Variants in RYR1 observed in about 807,000 individuals in gnomAD.
RYR1 encodes the protein central core disease of muscle.
In RYR1, 342 loss-of-function variants were observed where a neutral mutation model predicts 583.5. That is an observed-to-expected ratio of 0.59 (90% CI 0.54 to 0.64). RYR1 has a LOEUF of 0.64. Among genes scored for constraint, RYR1 ranks in the 30% least tolerant of loss-of-function variants. The pLI is 0.00. For synonymous variants in RYR1, 2,791 were observed against 2,822.5 expected, an observed-to-expected ratio of 0.99 and a Z score of 0.35; for missense variants, 6,032 against 6,917.2, an observed-to-expected ratio of 0.87 and a Z score of 4.54.
In RYR1 at chr19:38,434,367, G is replaced by A. The variant is rs139048961; in HGVS notation, c.45+493G>A. 4.2e-3 allele frequency among the ~76,000 whole-genome samples: 642 copies of A among 152,210 alleles called. 4 individuals carry two copies. Among genetic ancestry groups the A allele is most frequent in the Middle Eastern group, 0.02 (6 of 294 alleles). On this transcript the variant is annotated intron_variant, in intron 1 of 105. Coordinates refer to ENST00000359596, the MANE Select transcript of RYR1 (RefSeq NM_000540.3). The stretch of plus-strand genomic sequence containing the variant: ...GCCCTTGAGGGTCTTGTGGGGGAGG[G>A]ATCTCTTGGGTTCTGGGTCTTTCTT...
intron 9 of RYR1, among the ~76,000 whole-genome samples, chr19:38,447,564 G>A (rs548019234): frequency 1.7e-3 from 244 of 140,580 alleles, no homozygotes; most frequent in African/African-American, 6.2e-3. Flanking sequence ...AACAAAGGCC[G>A]GGGGCGGTGG....
chr19:38,505,233 C>A, intron 52 of RYR1, 76 bp from the exon 53 acceptor site: 1 of 1,203,404 alleles, frequency 8.3e-7, no homozygotes, highest in Non-Finnish European at 1.2e-6. Flanking sequence ...GATTCTCTGT[C>A]CTCGGCTCCT....
chr19:38,524,445 AC>A (rs1016789628), intron 70 of RYR1, among the ~76,000 whole-genome samples: 7 of 152,084 alleles, frequency 4.6e-5, no homozygotes, highest in Non-Finnish European at 1.0e-4. Context: ...AGCAGCCCCC[AC>A]CCCAGGGCTC....
intron 71 of RYR1, among the ~76,000 whole-genome samples, chr19:38,526,757 C>T (rs1971482823): frequency 6.6e-6 from 1 of 152,154 alleles, no homozygotes; most frequent in Admixed American, 6.5e-5. Flanking sequence ...CCCAGACCTC[C>T]ACGAGGCCCC....
rs550477486 is a variant in RYR1 at position 38,445,004 on chromosome 19, C to T, written c.631+327C>T. 3.3e-5 allele frequency among the ~76,000 whole-genome samples: 5 copies of T among 152,172 alleles called. No homozygotes were observed. The South Asian group carries it at 1.0e-3, about 32-fold the overall frequency. On this transcript the variant is annotated intron_variant, in intron 7 of 105. Transcript: ENST00000359596. ...GGGCATGGTGGCTCACGCCTGTAAT[C>T]TCAGCACTTTGGGAGGCCGAGGCAG...
rs1281129390 is a variant in RYR1, at chr19:38,453,116, G to A, written c.1440+102G>A. The stretch of plus-strand genomic sequence containing the variant: ...GGGCGGGGCAGGGCCTGAGGGACCT[G>A]GGGAAGTAGGGTCTGAGAAGGGGGC... On this transcript the variant is annotated intron_variant, in intron 13 of 105. Coordinates refer to ENST00000359596, the MANE Select transcript of RYR1 (RefSeq NM_000540.3). The A allele has an allele frequency of 4.0e-6, 5 of 1,245,094 alleles. No individual in the cohort carries two copies. The African/African-American group carries it at 7.4e-5, about 19-fold the overall frequency. 77.1% of individuals were successfully genotyped at this position (1,245,094 alleles called of 1,614,324 possible). A position where few individuals can be genotyped will look rare whatever the true frequency, so the allele number is the denominator to read the frequency against.
chr19:38,502,225 G>A (rs1970154732), intron 47 of RYR1, among the ~76,000 whole-genome samples: 1 of 152,118 alleles, frequency 6.6e-6, no homozygotes, highest in Non-Finnish European at 1.5e-5. Context: ...GCAGACCATT[G>A]ATATTTACAG....
chr19:38,440,986 G>C, intron 2 of RYR1, 122 bp downstream of exon 2: 1 of 1,128,162 alleles, frequency 8.9e-7, no homozygotes, highest in Non-Finnish European at 1.3e-6. Context: ...AAAGTGAGGA[G>C]GGGGGCTAAG....
In RYR1 at chr19:38,460,525, C is replaced by A. The variant is rs990397571; in HGVS notation, c.2511C>A (p.His837Gln). 2 of 1,614,150 alleles carry A rather than the reference C, an allele frequency of 1.2e-6. No homozygotes were observed. Reference sequence around the variant, plus strand: ...GACGGGAGGGGCCCCGGGGGCCTCACCTGGTGGGCCCCAGTCGCTGCCTCT... The same window carrying A: ...GACGGGAGGGGCCCCGGGGGCCTCAACTGGTGGGCCCCAGTCGCTGCCTCT... ...EYRREGPRGPHLVGPSRCLSH... is the reference protein window; with the variant it reads ...EYRREGPRGPQLVGPSRCLSH... Residue 837 changes from histidine to glutamine, a missense_variant, in exon 20 of 106, where the codon CAC (histidine) becomes CAA (glutamine). His to Gln is a conservative substitution (Grantham distance 24, BLOSUM62 0). Transcript: ENST00000359596.
At chr19:38,471,716 C>T (rs574283915) in intron 27 of RYR1, among the ~76,000 whole-genome samples, 1 of 152,024 alleles carries the variant, frequency 6.6e-6, no homozygotes, top group East Asian at 1.9e-4. Flanking sequence ...GCCTGGCCAA[C>T]ATAGTGAAAC....
intron 38 of RYR1, among the ~76,000 whole-genome samples, chr19:38,494,000 G>A (rs938289963): frequency 2.6e-5 from 4 of 152,022 alleles, no homozygotes; most frequent in African/African-American, 4.8e-5. Flanking sequence ...AGATTCTTGG[G>A]CGAATAGAAA....
intron 35 of RYR1, among the ~76,000 whole-genome samples, chr19:38,489,826 C>T (rs897532011): frequency 6.6e-6 from 1 of 152,098 alleles, no homozygotes; most frequent in Non-Finnish European, 1.5e-5. Flanking sequence ...GATGGGGTTT[C>T]GCCATGTTGG....
chr19:38,518,239 C>G (rs184092961), intron 66 of RYR1, among the ~76,000 whole-genome samples: 1 of 151,896 alleles, frequency 6.6e-6, no homozygotes, highest in Non-Finnish European at 1.5e-5. Flanking sequence ...AATGGATCCT[C>G]AAAGCGTTAG....
In RYR1 at chr19:38,448,515, AGTGGGGTTT is replaced by A. The variant is rs1432568811; in HGVS notation, c.957+9_957+17del. The A allele has an allele frequency of 6.2e-7, 1 of 1,612,210 alleles. No individual in the cohort carries two copies. The highest frequency in any genetic ancestry group is 2.2e-5 in the East Asian group (1 of 44,874). On this transcript the variant is annotated splice_donor_5th_base_variant and intron_variant, in intron 10 of 105. Coordinates refer to ENST00000359596, the MANE Select transcript of RYR1 (RefSeq NM_000540.3). ...CTTCTGCTTCCGCATCTCCAAGGTC[AGTGGGGTTT>A]GTGGCGCCCTCCCTCACCTGAAGCC... is the stretch of plus-strand genomic sequence containing the variant.
intron 38 of RYR1, 35 bp downstream of exon 38, chr19:38,492,671 T>TGGGGGCTGGGGG: frequency 8.5e-7 from 1 of 1,169,752 alleles, no homozygotes; most frequent in Non-Finnish European, 1.2e-6. Flanking sequence ...AGGGCAGGGG[T>TGGGGGCTGGGGG]GGGGTGGGTA....
chr19:38,465,075 G>T (rs1968023429), intron 23 of RYR1, among the ~76,000 whole-genome samples: 1 of 152,088 alleles, frequency 6.6e-6, no homozygotes, highest in African/African-American at 2.4e-5. Flanking sequence ...CTAAGTAAGG[G>T]ATCCTGAAAT....
intron 76 of RYR1, 33 bp from the exon 77 acceptor site, chr19:38,532,457 G>C: frequency 6.2e-7 from 1 of 1,612,744 alleles, no homozygotes; most frequent in Non-Finnish European, 8.5e-7. Context: ...CCTCTCCACC[G>C]GGTCCTGACC....
At chr19:38,541,577 G>A (rs1047453803) in intron 84 of RYR1, among the ~76,000 whole-genome samples, 7 of 152,188 alleles carry the variant, frequency 4.6e-5, no homozygotes, top group African/African-American at 7.2e-5. Context: ...TTAGCCGGGC[G>A]TGGTGGCGCA....
rs1353109999 is a variant in RYR1, at chr19:38,573,392, G to A, written c.14129+85G>A. The A allele has an allele frequency of 3.3e-6, 5 of 1,535,836 alleles. No homozygotes were observed. The Admixed American group carries it at 9.9e-5, about 30-fold the overall frequency. ...TCCAGGCCTGGACCCCAAAAAACTAGGGTTTCGGTCCGGGCACGGTGGCTC... is the reference window on the plus strand; with the variant it reads ...TCCAGGCCTGGACCCCAAAAAACTAAGGTTTCGGTCCGGGCACGGTGGCTC... On this transcript the variant is annotated intron_variant, in intron 96 of 105. Transcript: ENST00000359596.
Sources: allele counts gnomAD v4.1 joint callset (sites outside exome capture counted in the v4.1 genomes callset), GRCh38; gene constraint gnomAD v4.1.1; transcripts MANE v1.5; gene names NCBI Gene and HGNC (gene_info 2026-07-23, HGNC 2026-07-21).